The following ASTN2 variants were observed in gnomAD, a reference collection of about 807,000 sequenced individuals.
ASTN2 encodes the protein astrotactin-2.
A neutral mutation model predicts 139.8 loss-of-function variants in ASTN2; 54 were observed. That is an observed-to-expected ratio of 0.39 (90% CI 0.31 to 0.48). The LOEUF is 0.48. Among genes scored for constraint, ASTN2 ranks in the 20% least tolerant of loss-of-function variants. ASTN2 has a pLI of 0.95. For missense variants in ASTN2, 1,565 were observed against 1,725.1 expected, an observed-to-expected ratio of 0.91 and a Z score of 1.64; for synonymous variants, 756 against 719.5, an observed-to-expected ratio of 1.05 and a Z score of -0.81.
At chr9:117,149,405 TTG>T (rs1564450295) in intron 3 of ASTN2, among the ~76,000 whole-genome samples, 2 of 151,828 alleles carry the variant, frequency 1.3e-5, no homozygotes, top group African/African-American at 2.4e-5. Context: ...TAATAGGGTG[TTG>T]TGTGTGTTTG....
chr9:117,091,492 T>C (rs186058905), intron 5 of ASTN2, among the ~76,000 whole-genome samples: 1 of 152,200 alleles, frequency 6.6e-6, no homozygotes, highest in Non-Finnish European at 1.5e-5. Context: ...CAGCATCTGG[T>C]ATAGAATGAG....
At chr9:116,769,020 A>G (rs1829887992) in intron 13 of ASTN2, among the ~76,000 whole-genome samples, 1 of 152,172 alleles carries the variant, frequency 6.6e-6, no homozygotes, top group South Asian at 2.1e-4. Flanking sequence ...TTACTTTACT[A>G]TAAAGAAAGA....
At chr9:116,904,812 C>A (rs570625666) in intron 10 of ASTN2, among the ~76,000 whole-genome samples, 1 of 152,160 alleles carries the variant, frequency 6.6e-6, no homozygotes, top group Admixed American at 6.5e-5. Context: ...ATTAAGGCTG[C>A]GTGATGAACA....
intron 9 of ASTN2, among the ~76,000 whole-genome samples, chr9:116,975,709 G>A (rs1214015349): frequency 1.3e-5 from 2 of 152,174 alleles, no homozygotes; most frequent in Non-Finnish European, 2.9e-5. Flanking sequence ...TTAAGAGCAC[G>A]GACTTTGAAT....
intron 2 of ASTN2, among the ~76,000 whole-genome samples, chr9:117,284,966 T>C (rs533099497): frequency 1.5e-4 from 23 of 152,224 alleles, no homozygotes; most frequent in East Asian, 3.8e-4. Flanking sequence ...ATAATATCTA[T>C]TGAGATTACT....
intron 2 of ASTN2, among the ~76,000 whole-genome samples, chr9:117,241,723 T>C (rs968760335): frequency 6.6e-6 from 1 of 152,118 alleles, no homozygotes; most frequent in African/African-American, 2.4e-5. Context: ...ACTGTACTGG[T>C]CCACAGCCCT....
chr9:116,511,602 G>A (rs1237186435), intron 19 of ASTN2, among the ~76,000 whole-genome samples: 1 of 152,158 alleles, frequency 6.6e-6, no homozygotes, highest in African/African-American at 2.4e-5. Flanking sequence ...TTGTACCTCT[G>A]GTAGAATTTG....
intron 19 of ASTN2, among the ~76,000 whole-genome samples, chr9:116,595,541 G>A (rs764873889): frequency 1.3e-5 from 2 of 152,112 alleles, no homozygotes; most frequent in Non-Finnish European, 2.9e-5. Context: ...TGGCCAGGCT[G>A]GTTTTGAACT....
chr9:117,401,042 G>A (rs924754150), intron 1 of ASTN2, among the ~76,000 whole-genome samples: 13 of 152,120 alleles, frequency 8.5e-5, no homozygotes, highest in African/African-American at 2.7e-4. Flanking sequence ...TTTATTTAAC[G>A]AGCACATAGG....
intron 16 of ASTN2, among the ~76,000 whole-genome samples, chr9:116,691,801 GT>G (rs375637102): frequency 1.3e-5 from 2 of 152,224 alleles, no homozygotes; most frequent in African/African-American, 4.8e-5. Flanking sequence ...TGGTGGCACA[GT>G]GATAGTTTTG....
chr9:117,143,023 G>A lies in ASTN2; in HGVS notation c.1016-1545C>T, dbSNP rs76098652. Among the ~76,000 whole-genome samples the A allele has an allele frequency of 4.2e-3, 642 of 152,294 alleles. 13 individuals are homozygous for A. In the East Asian group the frequency reaches 0.062, roughly 15 times the overall value. ...ACAACCCAGTACCCATTTCTAAGGC[G>A]CTCCTGTTTTCTCAGGGAAGCTTAT... On this transcript the variant is annotated intron_variant, in intron 3 of 22. Coordinates refer to ENST00000313400, the MANE Select transcript of ASTN2 (RefSeq NM_001365068.1).
chr9:117,207,851 A>G (rs1288540267), intron 3 of ASTN2, among the ~76,000 whole-genome samples: 1 of 152,102 alleles, frequency 6.6e-6, no homozygotes, highest in African/African-American at 2.4e-5. Context: ...CATCACCACA[A>G]ACTCTCTCAG....
chr9:116,935,991 AC>A (rs1835055620), intron 10 of ASTN2, among the ~76,000 whole-genome samples: 2 of 122,960 alleles, frequency 1.6e-5, no homozygotes, highest in South Asian at 5.5e-4. Flanking sequence ...TGAATGGCAG[AC>A]CTGGGATTTG....
At chr9:116,959,339 A>G (rs1280491597) in intron 10 of ASTN2, among the ~76,000 whole-genome samples, 1 of 152,102 alleles carries the variant, frequency 6.6e-6, no homozygotes, top group Non-Finnish European at 1.5e-5. Flanking sequence ...GAAGGCTGAA[A>G]CCTCCAGAAT....
At chr9:116,958,264 T>A (rs997173734) in intron 10 of ASTN2, among the ~76,000 whole-genome samples, 7 of 152,128 alleles carry the variant, frequency 4.6e-5, no homozygotes, top group Non-Finnish European at 1.0e-4. Flanking sequence ...TGTACGAATG[T>A]CACCATGTTT....
intron 1 of ASTN2, among the ~76,000 whole-genome samples, chr9:117,304,113 A>G (rs1323622244): frequency 1.3e-5 from 2 of 152,232 alleles, no homozygotes; most frequent in Non-Finnish European, 2.9e-5. Context: ...GAGAGCCCAT[A>G]GAGATCAGCC....
intron 10 of ASTN2, among the ~76,000 whole-genome samples, chr9:116,908,061 C>A (rs1220003343): frequency 6.6e-6 from 1 of 152,102 alleles, no homozygotes; most frequent in Non-Finnish European, 1.5e-5. Flanking sequence ...GAATCTCAAA[C>A]CTGAAGCATA....
intron 17 of ASTN2, among the ~76,000 whole-genome samples, chr9:116,636,448 G>C (rs1857077949): frequency 6.6e-6 from 1 of 152,220 alleles, no homozygotes; most frequent in Non-Finnish European, 1.5e-5. Flanking sequence ...GCTGATGCAG[G>C]TGGATCACCT....
intron 1 of ASTN2, among the ~76,000 whole-genome samples, chr9:117,326,948 C>T (rs746585650): frequency 3.3e-5 from 5 of 152,140 alleles, no homozygotes; most frequent in Non-Finnish European, 5.9e-5. Flanking sequence ...GAGCAATGGT[C>T]CCCAACCTTT....
Sources: gnomAD v4.1 joint callset for allele counts (sites outside exome capture counted in the v4.1 genomes callset) on GRCh38, gnomAD v4.1.1 for gene constraint, MANE v1.5 for transcripts, NCBI Gene and HGNC (gene_info 2026-07-23, HGNC 2026-07-21) for gene names.